The following SNTG1 variants were observed in gnomAD, a reference collection of about 807,000 sequenced individuals.
SNTG1 encodes syntrophin gamma 1.
SNTG1 carries 39 observed loss-of-function variants against 74.7 expected under a neutral mutation model. The ratio of observed to expected loss-of-function variants is 0.52; its 90% confidence interval spans 0.40 to 0.68. The LOEUF (loss-of-function observed/expected upper bound fraction) is 0.68, where lower values mean the gene tolerates loss of function less well. Among genes scored for constraint, SNTG1 ranks in the 30% least tolerant of loss-of-function variants. SNTG1 has a pLI of 0.00. For missense variants in SNTG1, 685 were observed against 609.5 expected, an observed-to-expected ratio of 1.12 and a Z score of -1.30; for synonymous variants, 254 against 217.1, an observed-to-expected ratio of 1.17 and a Z score of -1.49.
At chr8:50,288,176 A>G (rs1368289414) in intron 2 of SNTG1, among the ~76,000 whole-genome samples, 3 of 152,194 alleles carry the variant, frequency 2.0e-5, no homozygotes, top group Admixed American at 6.5e-5. Context: ...AATTGTTATT[A>G]GTTCTGAATA....
intron 1 of SNTG1, among the ~76,000 whole-genome samples, chr8:49,949,441 C>T (rs901011503): frequency 2.6e-5 from 4 of 152,140 alleles, no homozygotes; most frequent in African/African-American, 9.7e-5. Context: ...TGAGACCACT[C>T]TCTTTTTTTT....
chr8:50,188,076 G>C (rs938597767), intron 2 of SNTG1, among the ~76,000 whole-genome samples: 1 of 152,110 alleles, frequency 6.6e-6, no homozygotes, highest in African/African-American at 2.4e-5. Context: ...AACAGAACAG[G>C]CCATTCTATT....
intron 2 of SNTG1, among the ~76,000 whole-genome samples, chr8:50,391,422 CACTTGATCA>C (rs1157400455): frequency 1.3e-5 from 2 of 152,084 alleles, no homozygotes; most frequent in African/African-American, 4.8e-5. Flanking sequence ...GGATGAAGCC[CACTTGATCA>C]TGGTGGATAA....
chr8:50,738,790 CAA>C (rs58912248), intron 17 of SNTG1, among the ~76,000 whole-genome samples: 8,379 of 136,820 alleles, frequency 0.061, 274 homozygotes, highest in Non-Finnish European at 0.08. Context: ...ACAAACCTGA[CAA>C]AAAAAAAAAA....
intron 9 of SNTG1, among the ~76,000 whole-genome samples, chr8:50,508,605 C>T (rs112793481): frequency 1.7e-4 from 26 of 152,154 alleles, no homozygotes; most frequent in African/African-American, 5.8e-4. Flanking sequence ...TTTTAATGAT[C>T]GCCATTCTAA....
rs538692541 is a variant in SNTG1, at chr8:50,022,375, G to A, written c.-103+110144G>A. 1.3e-3 allele frequency among the ~76,000 whole-genome samples: 192 copies of A among 152,264 alleles called. 1 individual carries two copies. The highest frequency in any genetic ancestry group is 4.3e-3 in the African/African-American group (177 of 41,554). Reference sequence around the variant, plus strand: ...GAAGGATCCAGCAAGGCTTGAGAAGGCAGCTAGACTGGAGTCCGATGCTGC... The same window carrying A: ...GAAGGATCCAGCAAGGCTTGAGAAGACAGCTAGACTGGAGTCCGATGCTGC... On this transcript the variant is annotated intron_variant, in intron 1 of 18. Coordinates refer to ENST00000642720, the MANE Select transcript of SNTG1 (RefSeq NM_018967.5).
At chr8:50,534,833 C>A (rs1427919915) in intron 10 of SNTG1, among the ~76,000 whole-genome samples, 1 of 152,016 alleles carries the variant, frequency 6.6e-6, no homozygotes, top group Non-Finnish European at 1.5e-5. Flanking sequence ...ATAGTAATAG[C>A]TTTGTTTTTC....
At chr8:50,385,262 G>T (rs540967738) in intron 2 of SNTG1, among the ~76,000 whole-genome samples, 2 of 152,286 alleles carry the variant, frequency 1.3e-5, no homozygotes, top group South Asian at 4.1e-4. Flanking sequence ...CTTCTCTAAA[G>T]AGGCCATAGT....
chr8:50,643,090 C>A (rs758113573), intron 13 of SNTG1, among the ~76,000 whole-genome samples: 1 of 152,156 alleles, frequency 6.6e-6, no homozygotes, highest in Non-Finnish European at 1.5e-5. Context: ...TACTCCTTCT[C>A]ATGAATCAAG....
intron 2 of SNTG1, among the ~76,000 whole-genome samples, chr8:50,369,334 C>T (rs113717508): frequency 0.049 from 7,512 of 152,218 alleles, 252 homozygotes; most frequent in Non-Finnish European, 0.071. Context: ...CGGTGGCTAA[C>T]GCCTGTAATC....
chr8:50,289,299 G>A (rs532310546), intron 2 of SNTG1, among the ~76,000 whole-genome samples: 1 of 152,236 alleles, frequency 6.6e-6, no homozygotes, highest in East Asian at 1.9e-4. Flanking sequence ...TGATCTTACA[G>A]TATCATTTAC....
chr8:50,337,306 A>T (rs1189939162), intron 2 of SNTG1, among the ~76,000 whole-genome samples: 2 of 152,200 alleles, frequency 1.3e-5, no homozygotes, highest in Admixed American at 1.3e-4. Flanking sequence ...AATAAATTAC[A>T]GAGAAACTTA....
chr8:50,660,309 GAGAC>G (rs201998936), intron 15 of SNTG1, among the ~76,000 whole-genome samples: 3,077 of 142,260 alleles, frequency 0.022, 99 homozygotes, highest in African/African-American at 0.073. Flanking sequence ...GAAAGAAAGA[GAGAC>G]AGTAAGAAGG....
chr8:49,982,654 G>A (rs181837113), intron 1 of SNTG1, among the ~76,000 whole-genome samples: 2 of 149,608 alleles, frequency 1.3e-5, no homozygotes, highest in African/African-American at 4.9e-5. Context: ...GTGTGTGTGT[G>A]TGTGTAATTA....
chr8:50,055,431 A>C (rs1045977677), intron 1 of SNTG1, among the ~76,000 whole-genome samples: 1 of 152,116 alleles, frequency 6.6e-6, no homozygotes, highest in African/African-American at 2.4e-5. Flanking sequence ...TTTTCAATGA[A>C]CTTTAAAAAA....
chr8:50,537,213 C>A lies in SNTG1; in HGVS notation c.680+405C>A, dbSNP rs183166387. Among the ~76,000 whole-genome samples the A allele has an allele frequency of 2.3e-3, 351 of 152,278 alleles. 5 individuals carry two copies. The highest frequency in any genetic ancestry group is 2.1e-3 in the Non-Finnish European group (145 of 68,026). ...GATCTTAGCTCACTGCAACCTCCAC[C>A]TCCTGAGTTCAGGTGATCCTCCCAC... On this transcript the variant is annotated intron_variant, in intron 11 of 18. Coordinates refer to ENST00000642720, the MANE Select transcript of SNTG1 (RefSeq NM_018967.5).
At chr8:50,781,363 A>G (rs868540996) in intron 18 of SNTG1, among the ~76,000 whole-genome samples, 2 of 152,052 alleles carry the variant, frequency 1.3e-5, no homozygotes, top group Non-Finnish European at 2.9e-5. Flanking sequence ...GTCACTCAGG[A>G]CTTGCTTTAT....
chr8:50,661,792 A>C (rs1319662099), intron 15 of SNTG1, among the ~76,000 whole-genome samples: 1 of 152,166 alleles, frequency 6.6e-6, no homozygotes, highest in Non-Finnish European at 1.5e-5. Flanking sequence ...AAGTATTCTC[A>C]TACATCAAAT....
At chr8:50,691,257 T>G (rs944274905) in intron 15 of SNTG1, among the ~76,000 whole-genome samples, 1 of 152,204 alleles carries the variant, frequency 6.6e-6, no homozygotes, top group African/African-American at 2.4e-5. Context: ...CATTTAAGGT[T>G]AATATTGTTA....
Sources: gnomAD v4.1 joint callset for allele counts (sites outside exome capture counted in the v4.1 genomes callset) on GRCh38, gnomAD v4.1.1 for gene constraint, MANE v1.5 for transcripts, NCBI Gene and HGNC (gene_info 2026-07-23, HGNC 2026-07-21) for gene names.